The following TRPC4 variants were observed in gnomAD, a reference collection of about 807,000 sequenced individuals.
TRPC4 encodes transient receptor potential cation channel subfamily C member 4, also known as short transient receptor potential channel 4.
TRPC4 carries 49 observed loss-of-function variants against 99.4 expected under a neutral mutation model. That is an observed-to-expected ratio of 0.49 (90% CI 0.39 to 0.63). TRPC4 has a LOEUF of 0.63. Ranked by LOEUF, TRPC4 falls within the 20% of genes least tolerant of loss-of-function variation. The pLI, the probability that TRPC4 is intolerant of heterozygous loss-of-function variation, is 0.00. For missense variants in TRPC4, 898 were observed against 1,152.9 expected, an observed-to-expected ratio of 0.78 and a Z score of 3.20; for synonymous variants, 454 against 425.9, an observed-to-expected ratio of 1.07 and a Z score of -0.81.
chr13:37,663,810 CTA>C lies in TRPC4; in HGVS notation c.1375-83_1375-82del. 2.3e-6 allele frequency: 3 copies of C among 1,279,380 alleles called. No individual in the cohort carries two copies. In the South Asian group the frequency reaches 4.7e-5, roughly 20 times the overall value. 79.3% of individuals were successfully genotyped at this position (1,279,380 alleles called of 1,614,324 possible). The stretch of plus-strand genomic sequence containing the variant: ...ATCAAGGTCAGACCCAGAAGGAAAA[CTA>C]TTAAATTTTGAACAAAATAATTGAT... On this transcript the variant is annotated intron_variant, in intron 5 of 10. Coordinates refer to ENST00000379705, the MANE Select transcript of TRPC4 (RefSeq NM_016179.4).
At chr13:37,686,038 G>C (rs959874097) in intron 4 of TRPC4, among the ~76,000 whole-genome samples, 4 of 152,136 alleles carry the variant, frequency 2.6e-5, no homozygotes, top group Non-Finnish European at 5.9e-5. Context: ...GCTTGTGTTT[G>C]AGGGTCTGTG....
chr13:37,791,427 G>A (rs988112335), intron 1 of TRPC4, among the ~76,000 whole-genome samples: 106 of 144,536 alleles, frequency 7.3e-4, no homozygotes, highest in African/African-American at 2.3e-3. Context: ...AAGGATAAAC[G>A]AAAAAGTTTT....
At chr13:37,807,638 A>G (rs1957560649) in intron 1 of TRPC4, among the ~76,000 whole-genome samples, 1 of 151,968 alleles carries the variant, frequency 6.6e-6, no homozygotes, top group African/African-American at 2.4e-5. Context: ...TGTGCTCTGG[A>G]CCCACTCTAA....
Position 37,785,686 on chromosome 13 carries a change from CTAATT to C in TRPC4, c.-27-2331_-27-2327del, listed in dbSNP as rs375695363. ...AGACTCACGATAGAGAATGAAAAAA[CTAATT>C]TATTTTATTTTTTCATTTAGTTAAT... On this transcript the variant is annotated intron_variant, in intron 1 of 10. Coordinates refer to ENST00000379705, the MANE Select transcript of TRPC4 (RefSeq NM_016179.4). Among the ~76,000 whole-genome samples the C allele has an allele frequency of 1.2e-3, 177 of 152,038 alleles. 2 individuals are homozygous for C. In the South Asian group the frequency reaches 0.035, roughly 30 times the overall value.
At chr13:37,750,934 T>C (rs1050666009) in intron 2 of TRPC4, among the ~76,000 whole-genome samples, 9 of 152,114 alleles carry the variant, frequency 5.9e-5, no homozygotes, top group Non-Finnish European at 8.8e-5. Flanking sequence ...TAATCTTCAC[T>C]GTGCTGTCTT....
chr13:37,803,772 GC>G (rs1268248177), intron 1 of TRPC4, among the ~76,000 whole-genome samples: 1 of 151,952 alleles, frequency 6.6e-6, no homozygotes, highest in Non-Finnish European at 1.5e-5. Flanking sequence ...AAATGAGTGA[GC>G]CATGAAAAGA....
intron 1 of TRPC4, among the ~76,000 whole-genome samples, chr13:37,829,030 T>C (rs964386870): frequency 2.6e-5 from 4 of 152,190 alleles, no homozygotes; most frequent in Non-Finnish European, 5.9e-5. Context: ...AAAACATAGG[T>C]ATAAATCCCG....
intron 3 of TRPC4, among the ~76,000 whole-genome samples, chr13:37,699,258 C>T (rs1954022085): frequency 1.3e-5 from 2 of 151,966 alleles, no homozygotes; most frequent in South Asian, 4.1e-4. Context: ...TTAGGTATCA[C>T]CATTATTGCA....
At chr13:37,789,939 A>C (rs1957071516) in intron 1 of TRPC4, among the ~76,000 whole-genome samples, 1 of 152,156 alleles carries the variant, frequency 6.6e-6, no homozygotes, top group Admixed American at 6.6e-5. Context: ...AGTATCTTAT[A>C]ACAGAAGAAG....
intron 2 of TRPC4, among the ~76,000 whole-genome samples, chr13:37,770,129 A>G (rs999744960): frequency 1.3e-5 from 2 of 151,510 alleles, no homozygotes; most frequent in Admixed American, 1.3e-4. Context: ...CTGTTTCATA[A>G]AGTCTTTATG....
chr13:37,841,783 G>T (rs1024470291), intron 1 of TRPC4, among the ~76,000 whole-genome samples: 1 of 152,022 alleles, frequency 6.6e-6, no homozygotes, highest in Non-Finnish European at 1.5e-5. Flanking sequence ...TTCATGCATT[G>T]TTAGCAGGTA....
chr13:37,663,419 G>T lies in TRPC4; in HGVS notation c.1685C>A (p.Ser562Ter). 2 of 1,610,488 alleles carry T rather than the reference G, an allele frequency of 1.2e-6. No homozygotes were observed. The highest frequency in any genetic ancestry group is 2.2e-5 in the South Asian group (2 of 90,636). ...TAGAAATGTCTATTAGACTTACGTT[G>T]AAAATGCATTATTCTGCTTTTCACA... is the stretch of plus-strand genomic sequence containing the variant. ...IRCEKQNNAFSTLFETLQSLF... is the reference protein window; with the variant it reads ...IRCEKQNNAF The change falls in exon 6 of 11, where the codon TCA (serine) becomes TAA (stop). Residue 562 changes from serine to a stop codon, truncating the protein, a stop_gained. Coordinates refer to ENST00000379705, the MANE Select transcript of TRPC4 (RefSeq NM_016179.4). LOFTEE classifies it high-confidence loss of function.
intron 1 of TRPC4, among the ~76,000 whole-genome samples, chr13:37,841,693 A>C (rs1197543935): frequency 1.3e-5 from 2 of 152,160 alleles, no homozygotes; most frequent in African/African-American, 4.8e-5. Flanking sequence ...CCACAATGAG[A>C]TATCACTACT....
chr13:37,674,303 C>A lies in TRPC4; in HGVS notation c.1299G>T (p.Trp433Cys). The A allele has an allele frequency of 1.2e-6, 2 of 1,608,310 alleles. No homozygotes were observed. Among genetic ancestry groups the A allele is most frequent in the South Asian group, 2.3e-5 (2 of 88,046 alleles). ...TCATTACAAAGTCCATTAGATTCCACCAATCATGGATGTAGTCCTGAAGTC... is the reference window on the plus strand; with the variant it reads ...TCATTACAAAGTCCATTAGATTCCAACAATCATGGATGTAGTCCTGAAGTC... ...DGGLQDYIHDWWNLMDFVMNS... is the reference protein window; with the variant it reads ...DGGLQDYIHDCWNLMDFVMNS... The change falls in exon 5 of 11, where the codon TGG becomes TGT. Residue 433 changes from tryptophan (W) to cysteine (C), a missense_variant. Physicochemically the swap from Trp to Cys is radical, Grantham distance 215. Transcript: ENST00000379705.
intron 1 of TRPC4, among the ~76,000 whole-genome samples, chr13:37,833,544 G>A (rs1958480536): frequency 6.6e-6 from 1 of 152,200 alleles, no homozygotes; most frequent in East Asian, 1.9e-4. Context: ...CTGTCAAAGA[G>A]ACAGACTGTG....
chr13:37,693,685 TAATCC>T (rs1281318667), intron 3 of TRPC4, among the ~76,000 whole-genome samples: 3 of 152,168 alleles, frequency 2.0e-5, no homozygotes, highest in Non-Finnish European at 2.9e-5. Context: ...ATTCAAAGAG[TAATCC>T]AATAGTTGAG....
chr13:37,711,613 G>A (rs1954489356), intron 3 of TRPC4, among the ~76,000 whole-genome samples: 1 of 151,952 alleles, frequency 6.6e-6, no homozygotes, highest in South Asian at 2.1e-4. Context: ...GTAAGATATA[G>A]CAAAGATATC....
At chr13:37,679,572 T>G (rs1184167733) in intron 4 of TRPC4, among the ~76,000 whole-genome samples, 6 of 151,730 alleles carry the variant, frequency 4.0e-5, no homozygotes, top group African/African-American at 1.5e-4. Flanking sequence ...GATAAAGTTT[T>G]GTTTTTATAT....
intron 4 of TRPC4, among the ~76,000 whole-genome samples, chr13:37,690,938 T>C (rs550679161): frequency 1.8e-4 from 27 of 152,254 alleles, no homozygotes; most frequent in African/African-American, 6.5e-4. Flanking sequence ...AATGATGAGA[T>C]AGATATTATA....
Sources: gnomAD v4.1 joint callset for allele counts (sites outside exome capture counted in the v4.1 genomes callset) on GRCh38, gnomAD v4.1.1 for gene constraint, MANE v1.5 for transcripts, NCBI Gene and HGNC (gene_info 2026-07-23, HGNC 2026-07-21) for gene names.